Variants in FAM177B observed in about 807,000 individuals in gnomAD.
FAM177B encodes family with sequence similarity 177 member B.
In FAM177B, 16 loss-of-function variants were observed where a neutral mutation model predicts 16.1. The observed-to-expected ratio is 0.99, with a 90% CI of 0.67 to 1.51. The LOEUF (loss-of-function observed/expected upper bound fraction) is 1.51. Among genes scored for constraint, FAM177B ranks in the 40% most tolerant of loss-of-function variants. The pLI, the probability that FAM177B is intolerant of heterozygous loss-of-function variation, is 0.00. For synonymous variants in FAM177B, 56 were observed against 59.9 expected, an observed-to-expected ratio of 0.93 and a Z score of 0.30; for missense variants, 178 against 183.7, an observed-to-expected ratio of 0.97 and a Z score of 0.18.
Position 222,750,420 on chromosome 1 carries a change from C to A in FAM177B, c.*362C>A. The A allele has an allele frequency of 9.8e-7, 1 of 1,023,346 alleles. No individual in the cohort carries two copies. The highest frequency in any genetic ancestry group is 1.2e-6 in the Non-Finnish European group (1 of 855,714). 63.4% of individuals were successfully genotyped at this position (1,023,346 alleles called of 1,614,324 possible). A position where few individuals can be genotyped will look rare whatever the true frequency, so the allele number is the denominator to read the frequency against. On this transcript the variant is annotated 3_prime_UTR_variant, in exon 6 of 6. Transcript: ENST00000445590. ...TTGGCTGAAATCCTCTGTCATGGGACGAGGGTACAGTAAAGAAGCTCTATT... is the reference window on the plus strand; with the variant it reads ...TTGGCTGAAATCCTCTGTCATGGGAAGAGGGTACAGTAAAGAAGCTCTATT...
At chr1:222,745,000 G>T (rs1340107159) in intron 2 of FAM177B, among the ~76,000 whole-genome samples, 1 of 152,068 alleles carries the variant, frequency 6.6e-6, no homozygotes, top group Non-Finnish European at 1.5e-5. Context: ...CTATAATTTT[G>T]CCTTTTCTAA....
chr1:222,750,287 A>G lies in FAM177B; in HGVS notation c.*229A>G. The G allele has an allele frequency of 7.5e-7, 1 of 1,336,174 alleles. No homozygotes were observed. The highest frequency in any genetic ancestry group is 3.0e-5 in the East Asian group (1 of 33,486). The allele number at this position is 1,336,174 out of a possible 1,614,324, so 82.8% of individuals were successfully genotyped here. ...TGGACACTTTCTCAGAATAATTTCT[A>G]TATTCAAGCCACCCCACCTCAACTC... is the stretch of plus-strand genomic sequence containing the variant. On this transcript the variant is annotated 3_prime_UTR_variant, in exon 6 of 6. Transcript: ENST00000445590.
chr1:222,737,207 A>AG lies in FAM177B; in HGVS notation c.-245dup, dbSNP rs1445602452. 2 of 152,276 alleles carry AG rather than the reference A, an allele frequency of 1.3e-5. No individual in the cohort carries two copies. The highest frequency in any genetic ancestry group is 2.4e-5 in the African/African-American group (1 of 41,474). The allele number at this position is 152,276 out of a possible 1,614,324, so 9.4% of individuals were successfully genotyped here. ...GTTCCAGCTACGTGTAAGGCATCATAGGGGCAGAAGATACAGCAGTGAACA... is the reference window on the plus strand; with the variant it reads ...GTTCCAGCTACGTGTAAGGCATCATAGGGGGCAGAAGATACAGCAGTGAACA... On this transcript the variant is annotated 5_prime_UTR_variant, in exon 1 of 6. Transcript: ENST00000445590.
At chr1:222,749,269 A>C in intron 4 of FAM177B, 196 bp from the exon 5 acceptor site, 2 of 541,024 alleles carry the variant, frequency 3.7e-6, no homozygotes, top group Non-Finnish European at 6.6e-6. Flanking sequence ...AAGATAGAAG[A>C]TTTGACAAAT....
At chr1:222,742,082 A>C (rs1658579181) in intron 2 of FAM177B, among the ~76,000 whole-genome samples, 1 of 151,864 alleles carries the variant, frequency 6.6e-6, no homozygotes, top group African/African-American at 2.4e-5. Flanking sequence ...CTAGGATTAT[A>C]GGTGTGAGCC....
intron 2 of FAM177B, among the ~76,000 whole-genome samples, chr1:222,741,456 T>G (rs1658527890): frequency 6.6e-6 from 1 of 152,186 alleles, no homozygotes; most frequent in African/African-American, 2.4e-5. Flanking sequence ...CAGGAATGGT[T>G]AATGCTCAGT....
chr1:222,744,198 T>C (rs1572007789), intron 2 of FAM177B, among the ~76,000 whole-genome samples: 1 of 152,262 alleles, frequency 6.6e-6, no homozygotes. Flanking sequence ...AGGCCAGGCA[T>C]GGTGGCTCAC....
Position 222,750,131 on chromosome 1 carries a change from A to G in FAM177B, c.*73A>G. The G allele has an allele frequency of 1.3e-6, 2 of 1,570,372 alleles. No homozygotes were observed. The highest frequency in any genetic ancestry group is 2.2e-5 in the East Asian group (1 of 44,474). ...GCAGCAAAGACTGCAGTTTCCCTGGATCTGTTCCTTGGCCATTGATTACCA... is the reference window on the plus strand; with the variant it reads ...GCAGCAAAGACTGCAGTTTCCCTGGGTCTGTTCCTTGGCCATTGATTACCA... On this transcript the variant is annotated 3_prime_UTR_variant, in exon 6 of 6. Transcript: ENST00000445590.
intron 4 of FAM177B, 45 bp from the exon 5 acceptor site, chr1:222,749,420 T>A (rs774886487): frequency 9.0e-7 from 1 of 1,113,384 alleles, no homozygotes; most frequent in Non-Finnish European, 1.4e-6. Flanking sequence ...ATGCGAAGCT[T>A]TAGTTAGTAA....
At position 222,749,506 on chromosome 1, in the gene FAM177B, C is replaced by A; in HGVS notation, c.283C>A (p.Leu95Ile). Reference sequence around the variant, plus strand: ...TGGAAGATTTGCTGTCTTCTTTGGTCTTACTCAACCCAAATATCAGTATGT... The same window carrying A: ...TGGAAGATTTGCTGTCTTCTTTGGTATTACTCAACCCAAATATCAGTATGT... ...LGGRFAVFFG[L>I]TQPKYQYVLN... Residue 95 changes from leucine (L) to isoleucine (I), a missense_variant, in exon 5 of 6, where the codon CTT (leucine) becomes ATT (isoleucine). Coordinates refer to ENST00000445590, the MANE Select transcript of FAM177B (RefSeq NM_001394345.1). 1 of 1,611,188 alleles carries A rather than the reference C, an allele frequency of 6.2e-7. No individual in the cohort carries two copies. Among genetic ancestry groups the A allele is most frequent in the South Asian group, 1.1e-5 (1 of 90,636 alleles).
At chr1:222,741,501 C>T (rs1274649446) in intron 2 of FAM177B, among the ~76,000 whole-genome samples, 1 of 151,762 alleles carries the variant, frequency 6.6e-6, no homozygotes, top group Non-Finnish European at 1.5e-5. Flanking sequence ...ACATTACTCC[C>T]ACTTATTGTT....
At chr1:222,739,474 T>C (rs756894355) in intron 2 of FAM177B, among the ~76,000 whole-genome samples, 5 of 152,218 alleles carry the variant, frequency 3.3e-5, no homozygotes, top group Non-Finnish European at 5.9e-5. Context: ...AATATACTAG[T>C]GCCTGAGTTC....
intron 4 of FAM177B, among the ~76,000 whole-genome samples, chr1:222,748,778 C>G (rs1310389735): frequency 6.6e-6 from 1 of 151,868 alleles, no homozygotes; most frequent in Non-Finnish European, 1.5e-5. Context: ...ATTTTGATGC[C>G]CTATATGAGC....
intron 4 of FAM177B, chr1:222,748,904 T>G: frequency 2.6e-6 from 1 of 387,340 alleles, no homozygotes; most frequent in Non-Finnish European, 5.3e-6. Context: ...GGAGACTTCT[T>G]TAGGAAACCA....
Position 222,741,057 on chromosome 1 carries a change from C to CTTTTTTTTTTTTT in FAM177B, c.-16+3045_-16+3057dup, listed in dbSNP as rs369907456. Among the ~76,000 whole-genome samples the CTTTTTTTTTTTTT allele has an allele frequency of 8.3e-3, 679 of 82,054 alleles. 9 individuals are homozygous for CTTTTTTTTTTTTT. The highest frequency in any genetic ancestry group is 0.016 in the Middle Eastern group (1 of 62). 53.8% of individuals were successfully genotyped at this position (82,054 alleles called of 152,430 possible). ...TTTATTGCATCTTACTTTTTGTTTT[C>CTTTTTTTTTTTTT]TTTTTTTTTTTTTTTTTTTTTGAGA... On this transcript the variant is annotated intron_variant, in intron 2 of 5. Transcript: ENST00000445590.
intron 2 of FAM177B, 106 bp from the exon 3 acceptor site, chr1:222,746,425 G>T: frequency 5.0e-6 from 3 of 603,114 alleles, no homozygotes; most frequent in South Asian, 2.5e-5. Context: ...GAGGTCACAG[G>T]TGTGATTACC....
chr1:222,743,332 T>G (rs1402259265), intron 2 of FAM177B, among the ~76,000 whole-genome samples: 3 of 151,720 alleles, frequency 2.0e-5, no homozygotes, highest in Non-Finnish European at 4.4e-5. Context: ...GTTTTGTTTT[T>G]TTTTTTGTGG....
At chr1:222,742,102 G>A (rs980562877) in intron 2 of FAM177B, among the ~76,000 whole-genome samples, 6 of 151,734 alleles carry the variant, frequency 4.0e-5, no homozygotes, top group Admixed American at 3.9e-4. Context: ...CACAGCGCCC[G>A]GCCTGTATTC....
rs898779657 is a variant in FAM177B, at chr1:222,738,003, G to A, written c.-34G>A. On this transcript the variant is annotated 5_prime_UTR_variant, in exon 2 of 6. Transcript: ENST00000445590. ...GAGTTGCCATTTATTGAGATGAGAA[G>A]GCTGCCAGAAGAGTAGAGGTAAATG... The A allele has an allele frequency of 2.6e-5, 4 of 152,210 alleles. No homozygotes were observed. Among genetic ancestry groups the A allele is most frequent in the Admixed American group, 2.6e-4 (4 of 15,264 alleles). 9.4% of individuals were successfully genotyped at this position (152,210 alleles called of 1,614,324 possible).
Sources: allele counts gnomAD v4.1 joint callset (sites outside exome capture counted in the v4.1 genomes callset), GRCh38; gene constraint gnomAD v4.1.1; transcripts MANE v1.5; gene names NCBI Gene and HGNC (gene_info 2026-07-23, HGNC 2026-07-21).